The following LHFPL3 variants were observed in gnomAD, a reference collection of about 807,000 sequenced individuals.
LHFPL3 encodes LHFPL tetraspan subfamily member 3 protein.
Under a neutral mutation model 19.3 loss-of-function variants are expected in LHFPL3, and 5 were observed. That is an observed-to-expected ratio of 0.26 (90% CI 0.14 to 0.54). The LOEUF (loss-of-function observed/expected upper bound fraction) is 0.54, where lower values mean the gene tolerates loss of function less well. Among genes scored for constraint, LHFPL3 ranks in the 20% least tolerant of loss-of-function variants. LHFPL3 has a pLI of 0.94. For synonymous variants in LHFPL3, 133 were observed against 126.2 expected (o/e 1.05, Z -0.36); for missense variants, 249 against 307.4 (o/e 0.81, Z 1.42).
At chr7:104,567,815 T>C (rs1041752074) in intron 1 of LHFPL3, among the ~76,000 whole-genome samples, 4 of 152,180 alleles carry the variant, frequency 2.6e-5, no homozygotes, top group African/African-American at 9.6e-5. Flanking sequence ...ATGGACATAG[T>C]GCTACTGCAG....
At chr7:104,408,676 A>G (rs557677443) in intron 1 of LHFPL3, among the ~76,000 whole-genome samples, 2 of 152,304 alleles carry the variant, frequency 1.3e-5, no homozygotes, top group South Asian at 2.1e-4. Flanking sequence ...TGTCAGAAAC[A>G]GTAAAAAGGT....
intron 2 of LHFPL3, among the ~76,000 whole-genome samples, chr7:104,773,536 T>G (rs1018675241): frequency 6.6e-6 from 1 of 152,214 alleles, no homozygotes. Context: ...TGCTATGGGT[T>G]GAATTGCATC....
rs924064951 is a variant in LHFPL3, at chr7:104,479,865, C to G, written c.445+150641C>G. ...CGTACCACACACATATTAATACTTCCTGTTGGTGGAGCAGCTTATTCTTTT... is the reference window on the plus strand; with the variant it reads ...CGTACCACACACATATTAATACTTCGTGTTGGTGGAGCAGCTTATTCTTTT... On this transcript the variant is annotated intron_variant, in intron 1 of 2. Coordinates refer to ENST00000424859, the MANE Select transcript of LHFPL3 (RefSeq NM_199000.3). Among the ~76,000 whole-genome samples, 9 of 152,194 alleles carry G rather than the reference C, an allele frequency of 5.9e-5. No homozygotes were observed. In the East Asian group the frequency reaches 1.7e-3, roughly 29 times the overall value.
intron 1 of LHFPL3, among the ~76,000 whole-genome samples, chr7:104,410,981 A>T (rs1429819536): frequency 2.6e-5 from 4 of 152,218 alleles, no homozygotes; most frequent in African/African-American, 9.6e-5. Flanking sequence ...CCAGCCAGAC[A>T]TTATTTTTAA....
intron 1 of LHFPL3, among the ~76,000 whole-genome samples, chr7:104,488,806 T>C (rs1447950497): frequency 6.6e-6 from 1 of 152,162 alleles, no homozygotes; most frequent in Non-Finnish European, 1.5e-5. Context: ...ACAGCAAAGT[T>C]CAAAGCAGGC....
At chr7:104,514,237 C>T (rs577417461) in intron 1 of LHFPL3, among the ~76,000 whole-genome samples, 1 of 152,138 alleles carries the variant, frequency 6.6e-6, no homozygotes. Flanking sequence ...TCTTCTCTCC[C>T]TATTTTGCCT....
chr7:104,888,887 T>C (rs1792195616), intron 2 of LHFPL3, among the ~76,000 whole-genome samples: 1 of 152,164 alleles, frequency 6.6e-6, no homozygotes, highest in African/African-American at 2.4e-5. Flanking sequence ...AAAATCCCCA[T>C]ACTGACTTTT....
intron 1 of LHFPL3, among the ~76,000 whole-genome samples, chr7:104,708,469 A>G (rs1793232537): frequency 6.6e-6 from 1 of 152,132 alleles, no homozygotes; most frequent in Non-Finnish European, 1.5e-5. Context: ...ACTATAAATC[A>G]AGCTCACATT....
intron 1 of LHFPL3, among the ~76,000 whole-genome samples, chr7:104,426,125 C>T (rs766278014): frequency 1.3e-5 from 2 of 152,190 alleles, no homozygotes; most frequent in Non-Finnish European, 1.5e-5. Flanking sequence ...TCCATTTACA[C>T]ATTTTTATTC....
rs1338751466 is a variant in LHFPL3 at position 104,737,034 on chromosome 7, C to T, written c.682+123C>T. On this transcript the variant is annotated intron_variant, in intron 2 of 2. Transcript: ENST00000424859. Reference sequence around the variant, plus strand: ...TTCTAATTTGCTGCCTCTTTTAATACCGTGTAGCTTGCAGACTTTACCCCA... The same window carrying T: ...TTCTAATTTGCTGCCTCTTTTAATATCGTGTAGCTTGCAGACTTTACCCCA... 5.7e-6 allele frequency: 4 copies of T among 698,440 alleles called. No homozygotes were observed. The Admixed American group carries it at 8.0e-5, about 14-fold the overall frequency. The allele number at this position is 698,440 out of a possible 1,614,324, so 43.3% of individuals were successfully genotyped here.
At chr7:104,582,954 T>C (rs1465080621) in intron 1 of LHFPL3, among the ~76,000 whole-genome samples, 1 of 151,996 alleles carries the variant, frequency 6.6e-6, no homozygotes, top group Non-Finnish European at 1.5e-5. Flanking sequence ...TCTGAATAGA[T>C]GAGGTTTTAA....
rs59272507 is a variant in LHFPL3 at position 104,484,072 on chromosome 7, A to AT, written c.445+154853dup. 6.0e-3 allele frequency among the ~76,000 whole-genome samples: 913 copies of AT among 152,080 alleles called. 8 individuals are homozygous for AT. Among genetic ancestry groups the AT allele is most frequent in the African/African-American group, 0.021 (868 of 41,466 alleles). On this transcript the variant is annotated intron_variant, in intron 1 of 2. Transcript: ENST00000424859. ...AATTATAATATTCCTGGGGATTTGC[A>AT]TTTTTAATTCCTTTCCCTTTCTTCC...
At chr7:104,727,751 A>T (rs1195638452) in intron 1 of LHFPL3, among the ~76,000 whole-genome samples, 1 of 151,978 alleles carries the variant, frequency 6.6e-6, no homozygotes, top group African/African-American at 2.4e-5. Flanking sequence ...AGAAAAAAGA[A>T]AAAAAAACTT....
At chr7:104,329,343 C>G in intron 1 of LHFPL3, 119 bp downstream of exon 1, 2 of 1,334,198 alleles carry the variant, frequency 1.5e-6, no homozygotes, top group Non-Finnish European at 2.0e-6. Flanking sequence ...GCCTAATCCG[C>G]TCAGGCGTCG....
At chr7:104,779,544 T>C (rs1371209857) in intron 2 of LHFPL3, among the ~76,000 whole-genome samples, 1 of 152,028 alleles carries the variant, frequency 6.6e-6, no homozygotes, top group African/African-American at 2.4e-5. Context: ...GCTGGTGTGT[T>C]TCCCCTCTCC....
chr7:104,899,755 G>A (rs1792446515), intron 2 of LHFPL3, among the ~76,000 whole-genome samples: 1 of 151,962 alleles, frequency 6.6e-6, no homozygotes, highest in Non-Finnish European at 1.5e-5. Flanking sequence ...TTTTTTAGAT[G>A]GAGTCTTACT....
At chr7:104,681,888 A>G (rs4624947) in intron 1 of LHFPL3, among the ~76,000 whole-genome samples, 9 of 151,936 alleles carry the variant, frequency 5.9e-5, no homozygotes, top group African/African-American at 2.2e-4. Context: ...ATATATGTCC[A>G]TGTGACTTGT....
chr7:104,824,581 TAA>T (rs1228034609), intron 2 of LHFPL3, among the ~76,000 whole-genome samples: 5 of 76,900 alleles, frequency 6.5e-5, no homozygotes, highest in Non-Finnish European at 1.1e-4. Flanking sequence ...ATTTTATATA[TAA>T]TATATATAAT....
chr7:104,639,945 A>G (rs1327221875), intron 1 of LHFPL3, among the ~76,000 whole-genome samples: 1 of 152,182 alleles, frequency 6.6e-6, no homozygotes, highest in Non-Finnish European at 1.5e-5. Flanking sequence ...AAAGTCTTAG[A>G]TTATAAGCAG....
Sources: gnomAD v4.1 joint callset for allele counts (sites outside exome capture counted in the v4.1 genomes callset) on GRCh38, gnomAD v4.1.1 for gene constraint, MANE v1.5 for transcripts, NCBI Gene and HGNC (gene_info 2026-07-23, HGNC 2026-07-21) for gene names.